Variants in APOOL observed in about 807,000 individuals in gnomAD.
APOOL encodes apolipoprotein O like, also known as MICOS complex subunit MIC27.
Under a neutral mutation model 23.1 loss-of-function variants are expected in APOOL, and 12 were observed. That is an observed-to-expected ratio of 0.52 (90% CI 0.33 to 0.84). APOOL has a LOEUF of 0.84. Among genes scored for constraint, APOOL ranks in the 40% least tolerant of loss-of-function variants. The probability of loss-of-function intolerance (pLI) is 0.02; values close to 1 mark genes in which losing one functional copy is unlikely to be tolerated. For synonymous variants in APOOL, 77 were observed against 69.9 expected (o/e 1.10, Z -0.51); for missense variants, 212 against 199.6 (o/e 1.06, Z -0.37).
In APOOL at chrX:85,078,881, GCTCT is replaced by G. The variant is rs747943421; in HGVS notation, c.718+4493_718+4496del. On this transcript the variant is annotated intron_variant, in intron 8 of 8. Coordinates refer to ENST00000373173, the MANE Select transcript of APOOL (RefSeq NM_198450.6). ...TGAATGGGAATTCACTCATGATTTGGCTCTCTGTTTGTCTGTTAATGGTGTATAA... is the reference window on the plus strand; with the variant it reads ...TGAATGGGAATTCACTCATGATTTGGCTGTTTGTCTGTTAATGGTGTATAA... 1.4e-4 allele frequency among the ~76,000 whole-genome samples: 16 copies of G among 111,063 alleles called. No individual in the cohort carries two copies. In the South Asian group the frequency reaches 2.3e-3, roughly 16 times the overall value.
At chrX:85,087,486 T>C in intron 8 of APOOL, 104 bp from the exon 9 acceptor site, 1 of 628,699 alleles carries the variant, frequency 1.6e-6, no homozygotes, top group African/African-American at 2.2e-5. Context: ...GTTAGGTCTG[T>C]GTCACTAGAG....
intron 1 of APOOL, among the ~76,000 whole-genome samples, chrX:85,026,585 T>C (rs1602747284): frequency 8.9e-6 from 1 of 112,819 alleles, no homozygotes; most frequent in East Asian, 2.8e-4. Flanking sequence ...TTATTAGTTC[T>C]TGCATCTCAG....
intron 8 of APOOL, among the ~76,000 whole-genome samples, chrX:85,086,935 G>A (rs1323356779): frequency 9.1e-6 from 1 of 109,757 alleles, no homozygotes; most frequent in African/African-American, 3.3e-5. Flanking sequence ...TCCTGACCTC[G>A]TGATCCGCCC....
chrX:85,031,761 C>A (rs1349843718), intron 1 of APOOL, among the ~76,000 whole-genome samples: 1 of 111,446 alleles, frequency 9.0e-6, no homozygotes, highest in Non-Finnish European at 1.9e-5. Context: ...TTGGCTAGGG[C>A]CAGAGGAAGG....
At position 85,088,316 on chromosome X, in the gene APOOL, G is replaced by GGTTTTTTT. The variant is rs1924431694; in HGVS notation, c.*638_*639insGTTTTTTT. 2 of 22,533 alleles carry GGTTTTTTT rather than the reference G, an allele frequency of 8.9e-5. No homozygotes were observed. Among genetic ancestry groups the GGTTTTTTT allele is most frequent in the African/African-American group, 3.1e-4 (2 of 6,407 alleles). The allele number at this position is 22,533 out of a possible 1,213,427, so 1.9% of individuals were successfully genotyped here. A position where few individuals can be genotyped will look rare whatever the true frequency, so the allele number is the denominator to read the frequency against. On this transcript the variant is annotated 3_prime_UTR_variant, in exon 9 of 9. Transcript: ENST00000373173. ...TGTATGGAAAGGTGTGTTTCCCTCT[G>GGTTTTTTT]TTTTTTTTTTTTTTTTTTTTTTTTT...
chrX:85,090,615 T>G lies in APOOL; in HGVS notation c.*2937T>G, dbSNP rs1424618940. 3 of 111,530 alleles carry G rather than the reference T, an allele frequency of 2.7e-5. No homozygotes were observed. Among genetic ancestry groups the G allele is most frequent in the Non-Finnish European group, 5.7e-5 (3 of 53,063 alleles). 9.2% of individuals were successfully genotyped at this position (111,530 alleles called of 1,213,427 possible). On this transcript the variant is annotated 3_prime_UTR_variant, in exon 9 of 9. Transcript: ENST00000373173. The stretch of plus-strand genomic sequence containing the variant: ...CTCCTTACCCACCCTACTGCTAATG[T>G]GTATTATATTGTCTTTATGACATAC...
rs1172912200 is a variant in APOOL, at chrX:85,088,351, T to A, written c.*673T>A. 1.3e-5 allele frequency: 1 copy of A among 75,099 alleles called. No individual in the cohort carries two copies. Among genetic ancestry groups the A allele is most frequent in the Non-Finnish European group, 2.5e-5 (1 of 39,890 alleles). 6.2% of individuals were successfully genotyped at this position (75,099 alleles called of 1,213,427 possible). A position where few individuals can be genotyped will look rare whatever the true frequency, so the allele number is the denominator to read the frequency against. ...TTTTTTTTTTTTTTTTTTTTCCCAT[T>A]TCCTAGAGCTGGAATAAAATATCCA... On this transcript the variant is annotated 3_prime_UTR_variant, in exon 9 of 9. Transcript: ENST00000373173.
rs763581114 is a variant in APOOL, at chrX:85,024,978, T to C, written c.15+21051T>C. 8.5e-4 allele frequency among the ~76,000 whole-genome samples: 95 copies of C among 112,183 alleles called. 1 individual carries two copies. Among genetic ancestry groups the C allele is most frequent in the Non-Finnish European group, 2.6e-4 (14 of 53,306 alleles). On this transcript the variant is annotated intron_variant, in intron 1 of 8. Transcript: ENST00000373173. ...CTGTGTTAGGCCATTTGTGCATTGC[T>C]ATAAAGAAATACCTGAGACTGGGTA... is the stretch of plus-strand genomic sequence containing the variant.
chrX:85,068,334 G>C (rs188118955), intron 6 of APOOL, among the ~76,000 whole-genome samples: 4 of 108,640 alleles, frequency 3.7e-5, no homozygotes, highest in African/African-American at 1.3e-4. Context: ...CTGACCTTCA[G>C]ATATTTTGGC....
At chrX:85,006,166 T>G in intron 1 of APOOL, among the ~76,000 whole-genome samples, 1 of 111,628 alleles carries the variant, frequency 9.0e-6, no homozygotes, top group Non-Finnish European at 1.9e-5. Context: ...GCTAAAGAGA[T>G]AAATAGAGTG....
intron 8 of APOOL, among the ~76,000 whole-genome samples, chrX:85,079,169 T>A (rs950417414): frequency 1.6e-4 from 18 of 111,750 alleles, no homozygotes; most frequent in African/African-American, 4.2e-4. Context: ...GTCTTGTGCC[T>A]GTTTTCAAAG....
chrX:85,025,444 C>A (rs1293296971), intron 1 of APOOL, among the ~76,000 whole-genome samples: 2 of 111,853 alleles, frequency 1.8e-5, no homozygotes, highest in South Asian at 3.8e-4. Flanking sequence ...TCCCAACAGT[C>A]CCCAAAAGTC....
chrX:85,086,793 G>C (rs4828324), intron 8 of APOOL, among the ~76,000 whole-genome samples: 2 of 65,330 alleles, frequency 3.1e-5, no homozygotes, highest in Admixed American at 1.8e-4. Flanking sequence ...TCCGCTTCCC[G>C]GGTTCACGCC....
At chrX:85,055,528 A>G (rs1033959894) in intron 4 of APOOL, among the ~76,000 whole-genome samples, 7 of 112,069 alleles carry the variant, frequency 6.2e-5, no homozygotes, top group Non-Finnish European at 7.5e-5. Context: ...AATTTACCTT[A>G]TAGTAACCCA....
chrX:85,077,252 C>T (rs1923891873), intron 8 of APOOL, among the ~76,000 whole-genome samples: 1 of 106,897 alleles, frequency 9.4e-6, no homozygotes, highest in Non-Finnish European at 1.9e-5. Flanking sequence ...TGCTATCCCT[C>T]CTCCTGCCCC....
At chrX:85,005,041 C>A (rs1422181372) in intron 1 of APOOL, among the ~76,000 whole-genome samples, 1 of 111,313 alleles carries the variant, frequency 9.0e-6, no homozygotes, top group African/African-American at 3.3e-5. Context: ...ATTTATAGTT[C>A]ATTCATTCAT....
rs1924446536 is a variant in APOOL, at chrX:85,088,624, T to C, written c.*946T>C. 9.1e-6 allele frequency: 1 copy of C among 109,715 alleles called. No individual in the cohort carries two copies. The highest frequency in any genetic ancestry group is 3.3e-5 in the African/African-American group (1 of 30,195). The allele number at this position is 109,715 out of a possible 1,213,427, so 9.0% of individuals were successfully genotyped here. A position where few individuals can be genotyped will look rare whatever the true frequency, so the allele number is the denominator to read the frequency against. ...AAAGTTGACTGTGCCTCCTATTTCA[T>C]AGAGAAAAAACTAAATTATTAGATA... On this transcript the variant is annotated 3_prime_UTR_variant, in exon 9 of 9. Transcript: ENST00000373173.
chrX:85,086,552 C>G (rs1161348093), intron 8 of APOOL, among the ~76,000 whole-genome samples: 3 of 111,702 alleles, frequency 2.7e-5, no homozygotes, highest in Non-Finnish European at 5.6e-5. Context: ...TCAACATTAT[C>G]CAGAATCTGG....
chrX:85,012,050 T>C (rs184857616), intron 1 of APOOL, among the ~76,000 whole-genome samples: 19 of 111,795 alleles, frequency 1.7e-4, no homozygotes, highest in Admixed American at 2.8e-4. Context: ...CTTGTAGAGA[T>C]CTTCCACCTC....
Sources: gnomAD v4.1 joint callset for allele counts (sites outside exome capture counted in the v4.1 genomes callset) on GRCh38, gnomAD v4.1.1 for gene constraint, MANE v1.5 for transcripts, NCBI Gene and HGNC (gene_info 2026-07-23, HGNC 2026-07-21) for gene names.